The following RGS6 variants were observed in gnomAD, a reference collection of about 807,000 sequenced individuals.
RGS6 encodes the protein regulator of G protein signaling 6, also known as regulator of G-protein signaling 6.
In RGS6, 30 loss-of-function variants were observed where a neutral mutation model predicts 78.5. The ratio of observed to expected loss-of-function variants is 0.38; its 90% CI spans 0.29 to 0.52. RGS6 has a LOEUF of 0.52. Ranked by LOEUF, RGS6 falls within the 20% of genes least tolerant of loss-of-function variation. The probability of loss-of-function intolerance (pLI) is 0.85; values close to 1 mark genes in which losing one functional copy is unlikely to be tolerated. For synonymous variants in RGS6, 206 were observed against 206.0 expected, an observed-to-expected ratio of 1.00 and a Z score of 0.00; for missense variants, 495 against 609.7, an observed-to-expected ratio of 0.81 and a Z score of 1.98.
chr14:71,972,047 G>A (rs1189470931), intron 2 of RGS6, among the ~76,000 whole-genome samples: 1 of 151,364 alleles, frequency 6.6e-6, no homozygotes, highest in Non-Finnish European at 1.5e-5. Flanking sequence ...GGGTACATGT[G>A]CACAACGTGC....
chr14:72,547,382 C>T (rs945126302), intron 17 of RGS6: 43 of 1,390,132 alleles, frequency 3.1e-5, no homozygotes, highest in African/African-American at 7.4e-5. Flanking sequence ...GACCCCCCCC[C>T]GACCCATGGA....
chr14:72,173,890 G>A (rs1292276970), intron 2 of RGS6, among the ~76,000 whole-genome samples: 1 of 152,184 alleles, frequency 6.6e-6, no homozygotes, highest in Non-Finnish European at 1.5e-5. Context: ...CATTCAGAGT[G>A]ATTCGAGAGG....
chr14:71,896,174 G>C, the RGS6 span, among the ~76,000 whole-genome samples: 1 of 152,128 alleles, frequency 6.6e-6, no homozygotes, highest in African/African-American at 2.4e-5. Context: ...TGGATCTCAA[G>C]CAAGAAATAA....
At chr14:72,411,698 T>C (rs1438023858) in intron 3 of RGS6, among the ~76,000 whole-genome samples, 3 of 152,224 alleles carry the variant, frequency 2.0e-5, no homozygotes, top group East Asian at 3.8e-4. Context: ...ATATTGGCTG[T>C]GGGTTTGTCA....
intron 2 of RGS6, among the ~76,000 whole-genome samples, chr14:72,150,590 C>G (rs1287994041): frequency 6.6e-6 from 1 of 152,010 alleles, no homozygotes. Context: ...AGGAAACTTA[C>G]AATCATGGCA....
the RGS6 span, among the ~76,000 whole-genome samples, chr14:72,596,346 T>G: frequency 6.6e-6 from 1 of 152,332 alleles, no homozygotes; most frequent in South Asian, 2.1e-4. Flanking sequence ...GCCCTTGTGA[T>G]TATGTTGGAC....
At chr14:71,870,403 G>C in the RGS6 span, among the ~76,000 whole-genome samples, 1 of 152,124 alleles carries the variant, frequency 6.6e-6, no homozygotes, top group Admixed American at 6.5e-5. Flanking sequence ...GGGTGGGAAG[G>C]TGAAGAGGTT....
At chr14:72,376,142 G>A (rs1432784721) in intron 3 of RGS6, among the ~76,000 whole-genome samples, 1 of 152,090 alleles carries the variant, frequency 6.6e-6, no homozygotes, top group Non-Finnish European at 1.5e-5. Flanking sequence ...ATTTTAATGA[G>A]AAATTCAACA....
At chr14:72,431,360 T>A (rs2094626130) in intron 3 of RGS6, among the ~76,000 whole-genome samples, 1 of 152,070 alleles carries the variant, frequency 6.6e-6, no homozygotes, top group Non-Finnish European at 1.5e-5. Context: ...TGGCTCTTCA[T>A]TTTTCTTTTT....
Position 72,474,652 on chromosome 14 carries a change from G to A in RGS6, c.646G>A (p.Asp216Asn). ...VPGCVNTTEM[D>N]IRKCRRLKNP... ...AGGCTGTGTGAACACAACAGAAATG[G>A]ATATCCGAAAATGTCGACGTTTGAA... The change falls in exon 10 of 18, where the codon GAT (aspartate) becomes AAT (asparagine). Residue 216 changes from aspartate to asparagine, a missense_variant. Coordinates refer to ENST00000553525, the MANE Select transcript of RGS6 (RefSeq NM_001204424.2). 6.2e-7 allele frequency: 1 copy of A among 1,613,252 alleles called. No individual in the cohort carries two copies. The highest frequency in any genetic ancestry group is 8.5e-7 in the Non-Finnish European group (1 of 1,179,616).
intron 2 of RGS6, among the ~76,000 whole-genome samples, chr14:72,287,256 C>A (rs555354815): frequency 1.3e-5 from 2 of 152,274 alleles, no homozygotes; most frequent in Admixed American, 6.5e-5. Flanking sequence ...ATGTCATCTG[C>A]AAACAGAGAT....
At chr14:72,454,443 A>G in intron 3 of RGS6, 85 bp from the exon 4 acceptor site, 3 of 1,372,670 alleles carry the variant, frequency 2.2e-6, no homozygotes, top group Non-Finnish European at 3.1e-6. Flanking sequence ...GTTTGGAATT[A>G]GGATTCTCTT....
intron 2 of RGS6, among the ~76,000 whole-genome samples, chr14:72,184,482 C>A (rs975176476): frequency 2.6e-5 from 4 of 151,784 alleles, no homozygotes; most frequent in African/African-American, 9.7e-5. Context: ...AAAATGGTAT[C>A]TTTGTTGAGA....
chr14:72,080,412 T>G (rs1347704310), intron 2 of RGS6, among the ~76,000 whole-genome samples: 1 of 152,166 alleles, frequency 6.6e-6, no homozygotes, highest in East Asian at 1.9e-4. Context: ...GCATTCCTTA[T>G]ACATTTTGGG....
chr14:72,307,945 T>C (rs1411572519), intron 2 of RGS6, among the ~76,000 whole-genome samples: 4 of 152,222 alleles, frequency 2.6e-5, no homozygotes, highest in African/African-American at 9.6e-5. Context: ...ATTACATTTA[T>C]TCCTAGGTAT....
chr14:72,149,527 A>AG (rs369865192), intron 2 of RGS6, among the ~76,000 whole-genome samples: 15 of 152,284 alleles, frequency 9.9e-5, no homozygotes, highest in African/African-American at 3.6e-4. Flanking sequence ...GCATGTATGA[A>AG]GGGTTATGAA....
At chr14:72,431,659 T>C (rs1397922546) in intron 3 of RGS6, among the ~76,000 whole-genome samples, 1 of 152,070 alleles carries the variant, frequency 6.6e-6, no homozygotes, top group Non-Finnish European at 1.5e-5. Context: ...TATGGTACTG[T>C]AGAGTGCTTT....
upstream of RGS6, among the ~76,000 whole-genome samples, chr14:71,927,446 A>G (rs1034505749): frequency 6.6e-6 from 1 of 152,144 alleles, no homozygotes; most frequent in Non-Finnish European, 1.5e-5. Context: ...AGAGAAAAAA[A>G]AATCCACTTC....
intron 2 of RGS6, among the ~76,000 whole-genome samples, chr14:72,001,895 C>CTTTTTTTTTTTTTTTTT (rs59274317): frequency 6.5e-5 from 6 of 92,552 alleles, no homozygotes; most frequent in African/African-American, 2.6e-4. Context: ...ATCCATTAAT[C>CTTTTTTTTTTTTTTTTT]TTTTTTTTTT....
Sources: gnomAD v4.1 joint callset for allele counts (sites outside exome capture counted in the v4.1 genomes callset) on GRCh38, gnomAD v4.1.1 for gene constraint, MANE v1.5 for transcripts, NCBI Gene and HGNC (gene_info 2026-07-23, HGNC 2026-07-21) for gene names.